Variants in CLVS1 observed in about 807,000 individuals in gnomAD.
The protein encoded by CLVS1 is clavesin 1, also known as clavesin-1.
A neutral mutation model predicts 33.1 loss-of-function variants in CLVS1; 10 were observed. The observed-to-expected ratio is 0.30, with a 90% CI of 0.19 to 0.51. The LOEUF is 0.51. Among genes scored for constraint, CLVS1 ranks in the 20% least tolerant of loss-of-function variants. The pLI is 0.97. For synonymous variants in CLVS1, 163 were observed against 166.1 expected (o/e 0.98, Z 0.14); for missense variants, 343 against 433.4 (o/e 0.79, Z 1.85).
chr8:61,147,556 G>C (rs1342753164), intron 2 of CLVS1, among the ~76,000 whole-genome samples: 1 of 152,058 alleles, frequency 6.6e-6, no homozygotes, highest in African/African-American at 2.4e-5. Context: ...TTCTTGTGTG[G>C]GTTTCTTTTC....
intron 3 of CLVS1, among the ~76,000 whole-genome samples, chr8:61,379,577 A>C (rs1186819806): frequency 2.0e-5 from 3 of 152,192 alleles, no homozygotes; most frequent in Non-Finnish European, 4.4e-5. Flanking sequence ...CTAGTTCTCC[A>C]TAAAGACAGT....
At chr8:60,980,895 G>C in the CLVS1 span, among the ~76,000 whole-genome samples, 1 of 151,396 alleles carries the variant, frequency 6.6e-6, no homozygotes, top group Non-Finnish European at 1.5e-5. Flanking sequence ...ACTCAAGAAA[G>C]CACCCTCATA....
At chr8:61,075,626 G>C (rs1277731388) in intron 1 of CLVS1, among the ~76,000 whole-genome samples, 1 of 152,234 alleles carries the variant, frequency 6.6e-6, no homozygotes, top group East Asian at 1.9e-4. Context: ...ATGATTGTCT[G>C]ATAAATATGA....
intron 2 of CLVS1, among the ~76,000 whole-genome samples, chr8:61,191,238 C>A (rs920240653): frequency 2.0e-5 from 3 of 152,038 alleles, no homozygotes; most frequent in Non-Finnish European, 4.4e-5. Context: ...AATCAATAAA[C>A]GTAATCCAGC....
intron 1 of CLVS1, among the ~76,000 whole-genome samples, chr8:61,085,616 T>C (rs1805102814): frequency 6.6e-6 from 1 of 150,506 alleles, no homozygotes; most frequent in Non-Finnish European, 1.5e-5. Context: ...CCTGGCGGAG[T>C]GCGGTGGCTC....
chr8:60,988,240 C>T, the CLVS1 span, among the ~76,000 whole-genome samples: 1 of 152,264 alleles, frequency 6.6e-6, no homozygotes, highest in African/African-American at 2.4e-5. Context: ...CTGGGGGGTG[C>T]AGAGACATCT....
At chr8:61,338,267 G>A (rs1056544354) in intron 2 of CLVS1, among the ~76,000 whole-genome samples, 1 of 151,898 alleles carries the variant, frequency 6.6e-6, no homozygotes, top group African/African-American at 2.4e-5. Context: ...CTTTATTTCA[G>A]AATAGGAAAA....
chr8:61,031,386 G>A, the CLVS1 span, among the ~76,000 whole-genome samples: 39 of 152,124 alleles, frequency 2.6e-4, no homozygotes, highest in Admixed American at 6.5e-4. Flanking sequence ...GCAGCGAACC[G>A]TTCCCCACCC....
At chr8:61,229,784 C>T (rs529721464) in intron 2 of CLVS1, among the ~76,000 whole-genome samples, 1 of 152,302 alleles carries the variant, frequency 6.6e-6, no homozygotes, top group East Asian at 1.9e-4. Flanking sequence ...GTGTCTGCCA[C>T]CATGCCTGGT....
At chr8:61,075,303 A>G (rs1804890666) in intron 1 of CLVS1, among the ~76,000 whole-genome samples, 1 of 152,210 alleles carries the variant, frequency 6.6e-6, no homozygotes, top group Non-Finnish European at 1.5e-5. Context: ...TGAAAGAGCA[A>G]TGGGTTGATC....
chr8:61,225,004 T>C lies in CLVS1; in HGVS notation c.-151-74673T>C, dbSNP rs185671364. On this transcript the variant is annotated intron_variant, in intron 2 of 2. Coordinates refer to the CLVS1 transcript ENST00000522621. The stretch of plus-strand genomic sequence containing the variant: ...TGTTTTACCAAAGTAATTTCATAGT[T>C]TGGAAAATGGAAATTTAAAAATATA... Among the ~76,000 whole-genome samples, 364 of 152,300 alleles carry C rather than the reference T, an allele frequency of 2.4e-3. 2 individuals carry two copies. The highest frequency in any genetic ancestry group is 0.024 in the South Asian group (115 of 4,826).
chr8:61,192,526 G>C (rs972082613), intron 2 of CLVS1, among the ~76,000 whole-genome samples: 1 of 151,932 alleles, frequency 6.6e-6, no homozygotes, highest in South Asian at 2.1e-4. Flanking sequence ...TGTCAAATAC[G>C]ATCTAATTAA....
At chr8:61,128,386 C>T (rs1806018647) in intron 1 of CLVS1, among the ~76,000 whole-genome samples, 1 of 152,186 alleles carries the variant, frequency 6.6e-6, no homozygotes. Context: ...CAGAACTGGC[C>T]ACAGATGGGT....
intron 1 of CLVS1, among the ~76,000 whole-genome samples, chr8:61,296,829 C>T (rs1373875101): frequency 1.3e-5 from 2 of 152,128 alleles, no homozygotes; most frequent in Non-Finnish European, 2.9e-5. Flanking sequence ...AGTCGCTCTG[C>T]CCATGGAGCT....
At chr8:61,068,392 C>G (rs1211667047) in intron 1 of CLVS1, among the ~76,000 whole-genome samples, 4 of 152,036 alleles carry the variant, frequency 2.6e-5, no homozygotes, top group African/African-American at 7.2e-5. Context: ...CTAATCATAT[C>G]TCCTCAAGAA....
intron 2 of CLVS1, among the ~76,000 whole-genome samples, chr8:61,204,625 A>G (rs1290420804): frequency 6.6e-6 from 1 of 152,236 alleles, no homozygotes; most frequent in African/African-American, 2.4e-5. Context: ...ATTAAAAATA[A>G]AAGAATTTCA....
At chr8:61,240,235 C>A (rs1249399655) in intron 2 of CLVS1, among the ~76,000 whole-genome samples, 5 of 152,214 alleles carry the variant, frequency 3.3e-5, no homozygotes, top group African/African-American at 1.2e-4. Context: ...CTGCATGCAT[C>A]ACTAGACCTG....
intron 2 of CLVS1, among the ~76,000 whole-genome samples, chr8:61,331,421 T>A (rs991603863): frequency 6.6e-6 from 1 of 152,074 alleles, no homozygotes; most frequent in African/African-American, 2.4e-5. Flanking sequence ...TTTCTTACTT[T>A]ATTTCTTTGT....
chr8:61,109,257 A>G (rs1805588547), intron 1 of CLVS1, among the ~76,000 whole-genome samples: 1 of 151,880 alleles, frequency 6.6e-6, no homozygotes, highest in South Asian at 2.1e-4. Context: ...ACTCTTAAAC[A>G]GTTGTTCCAA....
Sources: gnomAD v4.1 joint callset for allele counts (sites outside exome capture counted in the v4.1 genomes callset) on GRCh38, gnomAD v4.1.1 for gene constraint, MANE v1.5 for transcripts, NCBI Gene and HGNC (gene_info 2026-07-23, HGNC 2026-07-21) for gene names.